GLIS3: variants seen among roughly 807,000 people sequenced by gnomAD.
The protein encoded by GLIS3 is zinc finger protein GLIS3.
A neutral mutation model predicts 78.6 loss-of-function variants in GLIS3; 53 were observed. That is an observed-to-expected ratio of 0.67 (90% CI 0.54 to 0.85). The LOEUF (loss-of-function observed/expected upper bound fraction) is 0.85. Ranked by LOEUF, GLIS3 falls within the 40% of genes least tolerant of loss-of-function variation. The probability of loss-of-function intolerance (pLI) is 0.00; values close to 1 mark genes in which losing one functional copy is unlikely to be tolerated. For missense variants in GLIS3, 1,703 were observed against 1,231.1 expected (o/e 1.38, Z -5.74); for synonymous variants, 684 against 509.9 (o/e 1.34, Z -4.60).
At chr9:4,163,822 T>C (rs1835685982) in intron 2 of GLIS3, among the ~76,000 whole-genome samples, 1 of 152,336 alleles carries the variant, frequency 6.6e-6, no homozygotes, top group Middle Eastern at 3.4e-3. Flanking sequence ...GTGGTGGTGG[T>C]TTTGTTGTGC....
chr9:4,450,324 G>C, the GLIS3 span, among the ~76,000 whole-genome samples: 269 of 152,066 alleles, frequency 1.8e-3, 1 homozygote, highest in African/African-American at 6.3e-3. Flanking sequence ...AATGAACAAA[G>C]CCTCCAAGAA....
intron 4 of GLIS3, among the ~76,000 whole-genome samples, chr9:4,075,087 G>C (rs1213268774): frequency 2.1e-5 from 2 of 95,222 alleles, no homozygotes; most frequent in Non-Finnish European, 3.7e-5. Flanking sequence ...AAAAGACTGA[G>C]ATGAACAACA....
chr9:3,964,707 T>C (rs766059208), intron 4 of GLIS3, among the ~76,000 whole-genome samples: 2 of 152,238 alleles, frequency 1.3e-5, no homozygotes, highest in South Asian at 2.1e-4. Flanking sequence ...AATTTTTTCA[T>C]ATTTTGTCTT....
the GLIS3 span, among the ~76,000 whole-genome samples, chr9:4,370,171 A>C: frequency 1.5e-4 from 21 of 141,606 alleles, no homozygotes; most frequent in Non-Finnish European, 1.4e-4. Flanking sequence ...GCGACAGAGC[A>C]AGACTCCATC....
At chr9:4,326,805 G>C (rs1339686908) in intron 2 of GLIS3, among the ~76,000 whole-genome samples, 1 of 152,232 alleles carries the variant, frequency 6.6e-6, no homozygotes, top group East Asian at 1.9e-4. Context: ...GAAGGAGAAA[G>C]GTAGGTTTGG....
At chr9:4,024,876 G>A (rs1823191993) in intron 4 of GLIS3, among the ~76,000 whole-genome samples, 1 of 152,130 alleles carries the variant, frequency 6.6e-6, no homozygotes, top group South Asian at 2.1e-4. Context: ...CTACAGTTCA[G>A]TAATCTCCAC....
chr9:4,236,884 C>T (rs1394184824), intron 2 of GLIS3, among the ~76,000 whole-genome samples: 1 of 152,176 alleles, frequency 6.6e-6, no homozygotes, highest in Non-Finnish European at 1.5e-5. Context: ...AGATGCCTTT[C>T]TTACTTTTTT....
the GLIS3 span, among the ~76,000 whole-genome samples, chr9:4,372,498 T>C: frequency 1.3e-5 from 2 of 148,944 alleles, no homozygotes; most frequent in African/African-American, 5.0e-5. Context: ...AATCACCTCC[T>C]CTATCTGGCT....
chr9:4,174,286 A>T (rs1026016995), intron 2 of GLIS3, among the ~76,000 whole-genome samples: 1 of 152,232 alleles, frequency 6.6e-6, no homozygotes, highest in Non-Finnish European at 1.5e-5. Context: ...ATACCTACTT[A>T]AAACATAACC....
At chr9:4,479,952 G>C in the GLIS3 span, among the ~76,000 whole-genome samples, 2 of 118,808 alleles carry the variant, frequency 1.7e-5, no homozygotes, top group African/African-American at 6.5e-5. Context: ...ATGGGTTTTC[G>C]CCATGTTAGC....
chr9:4,252,782 G>C (rs1422005997), intron 2 of GLIS3, among the ~76,000 whole-genome samples: 1 of 152,140 alleles, frequency 6.6e-6, no homozygotes, highest in Non-Finnish European at 1.5e-5. Context: ...GGTGACCTTT[G>C]CGTGGGGTTT....
rs555747432 is a variant in GLIS3 at position 3,983,483 on chromosome 9, C to G, written c.1711-46294G>C. On this transcript the variant is annotated intron_variant, in intron 4 of 10. Coordinates refer to ENST00000381971, the MANE Select transcript of GLIS3 (RefSeq NM_001042413.2). The stretch of plus-strand genomic sequence containing the variant: ...ACTGGGTAACAGGCAGGGATTGGAA[C>G]AGTTTGGAGGGCTCAGAAGAAGACA... 8.7e-4 allele frequency among the ~76,000 whole-genome samples: 133 copies of G among 152,186 alleles called. 1 individual carries two copies. Among genetic ancestry groups the G allele is most frequent in the Non-Finnish European group, 1.4e-3 (98 of 68,020 alleles).
chr9:4,408,295 C>T, the GLIS3 span, among the ~76,000 whole-genome samples: 4 of 152,002 alleles, frequency 2.6e-5, no homozygotes, highest in African/African-American at 4.8e-5. Context: ...ATCAGTATAT[C>T]GAGGAGCTAT....
chr9:4,453,345 CAAAAAAAAAA>C, the GLIS3 span, among the ~76,000 whole-genome samples: 1 of 91,650 alleles, frequency 1.1e-5, no homozygotes, highest in African/African-American at 3.7e-5. Flanking sequence ...TTCTGCACAG[CAAAAAAAAAA>C]AAAAAAAAAG....
the GLIS3 span, among the ~76,000 whole-genome samples, chr9:4,480,677 CAA>C: frequency 2.6e-5 from 4 of 151,680 alleles, no homozygotes; most frequent in Non-Finnish European, 4.4e-5. Context: ...CCTACCGGGG[CAA>C]AAAGCATGTG....
chr9:3,860,318 GGAAACATTTAAAACATTTCTGCAAATAT>G (rs2130286657), intron 8 of GLIS3, among the ~76,000 whole-genome samples: 1 of 132,438 alleles, frequency 7.6e-6, no homozygotes, highest in South Asian at 2.5e-4. Context: ...TGGGGGATGA[GGAAACATTTAAAACATTTCTGCAAATAT>G]GTATCTCCAC....
At chr9:4,215,204 C>T (rs532415928) in intron 2 of GLIS3, among the ~76,000 whole-genome samples, 2 of 152,186 alleles carry the variant, frequency 1.3e-5, no homozygotes, top group Non-Finnish European at 2.9e-5. Flanking sequence ...AATAAATTTA[C>T]ATGAAAGCCT....
chr9:4,128,978 C>G (rs1261467777), intron 2 of GLIS3, among the ~76,000 whole-genome samples: 4 of 152,132 alleles, frequency 2.6e-5, no homozygotes, highest in Non-Finnish European at 5.9e-5. Flanking sequence ...CAAATGGTAT[C>G]CTTGAAGCAT....
chr9:4,057,763 A>T (rs1826267805), intron 4 of GLIS3, among the ~76,000 whole-genome samples: 1 of 152,192 alleles, frequency 6.6e-6, no homozygotes, highest in Non-Finnish European at 1.5e-5. Flanking sequence ...AACCTTTGAC[A>T]CTTCTTGGCA....
Sources: allele counts gnomAD v4.1 joint callset (sites outside exome capture counted in the v4.1 genomes callset), GRCh38; gene constraint gnomAD v4.1.1; transcripts MANE v1.5; gene names NCBI Gene and HGNC (gene_info 2026-07-23, HGNC 2026-07-21).